The following GLIS3 variants were observed in gnomAD, a reference collection of about 807,000 sequenced individuals.
The protein encoded by GLIS3 is GLIS family zinc finger 3.
GLIS3 carries 53 observed loss-of-function variants against 78.6 expected under a neutral mutation model. The observed-to-expected ratio is 0.67, with a 90% CI of 0.54 to 0.85. The LOEUF is 0.85. Ranked by LOEUF, GLIS3 falls within the 40% of genes least tolerant of loss-of-function variation. The probability of loss-of-function intolerance (pLI) is 0.00; values close to 1 mark genes in which losing one functional copy is unlikely to be tolerated. For missense variants in GLIS3, 1,703 were observed against 1,231.1 expected (o/e 1.38, Z -5.74); for synonymous variants, 684 against 509.9 (o/e 1.34, Z -4.60).
At chr9:4,120,953 T>C (rs560179032) in intron 3 of GLIS3, among the ~76,000 whole-genome samples, 2 of 152,376 alleles carry the variant, frequency 1.3e-5, no homozygotes, top group South Asian at 4.1e-4. Context: ...TCTCAAATTA[T>C]ACTTAAATAT....
At chr9:4,121,651 AC>A (rs1564082422) in intron 3 of GLIS3, among the ~76,000 whole-genome samples, 1 of 151,336 alleles carries the variant, frequency 6.6e-6, no homozygotes, top group African/African-American at 2.5e-5. Flanking sequence ...ACACACACAC[AC>A]ACACACACAC....
In GLIS3 at chr9:3,977,359, G is replaced by A. The variant is rs1307095623; in HGVS notation, c.1711-40170C>T. Among the ~76,000 whole-genome samples the A allele has an allele frequency of 6.6e-6, 1 of 152,184 alleles. No individual in the cohort carries two copies. Among genetic ancestry groups the A allele is most frequent in the Non-Finnish European group, 1.5e-5 (1 of 68,028 alleles). ...TTTGTAGCAGAATAAACTCATATCT[G>A]ATGCTATAATTACAACCCTAATGGA... On this transcript the variant is annotated intron_variant, in intron 4 of 10. Transcript: ENST00000381971. This position sits in a 1 kb window ranked among gnomAD's most constrained non-coding sequence, Gnocchi z 4.1.
At chr9:4,272,503 T>C (rs563180316) in intron 2 of GLIS3, among the ~76,000 whole-genome samples, 1 of 152,306 alleles carries the variant, frequency 6.6e-6, no homozygotes, top group Admixed American at 6.5e-5. Context: ...GCAAGTTTCT[T>C]AATCTTCCCA....
At chr9:4,334,157 G>C (rs1817721779) in intron 2 of GLIS3, among the ~76,000 whole-genome samples, 1 of 152,134 alleles carries the variant, frequency 6.6e-6, no homozygotes, top group Non-Finnish European at 1.5e-5. Flanking sequence ...CCAAATTTAG[G>C]TAATAGGAAT....
At chr9:4,241,543 C>A (rs1295232061) in intron 2 of GLIS3, among the ~76,000 whole-genome samples, 1 of 151,970 alleles carries the variant, frequency 6.6e-6, no homozygotes, top group Non-Finnish European at 1.5e-5. Context: ...TATAAAGATT[C>A]GATCTTTATA....
intron 4 of GLIS3, among the ~76,000 whole-genome samples, chr9:3,954,686 C>T (rs562125660): frequency 6.6e-6 from 1 of 152,156 alleles, no homozygotes; most frequent in East Asian, 1.9e-4. Context: ...CCAATTAGGC[C>T]CTGTTTATTT....
chr9:4,440,369 A>G, the GLIS3 span, among the ~76,000 whole-genome samples: 1 of 152,152 alleles, frequency 6.6e-6, no homozygotes, highest in African/African-American at 2.4e-5. Flanking sequence ...CATTTTTTAT[A>G]TAAGGGTCTA....
chr9:4,270,925 GTGTGTGTGTA>G (rs71324295), intron 2 of GLIS3, among the ~76,000 whole-genome samples: 10,979 of 101,366 alleles, frequency 0.11, 401 homozygotes, highest in Middle Eastern at 0.12. Flanking sequence ...GTGTGTGTGT[GTGTGTGTGTA>G]TACACAACTG....
At chr9:4,280,532 T>C (rs1399680105) in intron 2 of GLIS3, among the ~76,000 whole-genome samples, 1 of 152,116 alleles carries the variant, frequency 6.6e-6, no homozygotes, top group African/African-American at 2.4e-5. Flanking sequence ...AAATGCAGTA[T>C]AATACAACAC....
At chr9:4,429,066 C>T in the GLIS3 span, among the ~76,000 whole-genome samples, 2 of 152,180 alleles carry the variant, frequency 1.3e-5, no homozygotes, top group South Asian at 4.1e-4. Context: ...CAGGTGGTAC[C>T]ATATAAAATT....
chr9:4,359,635 A>G, the GLIS3 span, among the ~76,000 whole-genome samples: 128 of 152,312 alleles, frequency 8.4e-4, no homozygotes, highest in African/African-American at 3.0e-3. Flanking sequence ...CGTGAGATCC[A>G]AGACCTGGAT....
intron 4 of GLIS3, among the ~76,000 whole-genome samples, chr9:4,064,864 A>G (rs1376020179): frequency 6.6e-6 from 1 of 152,200 alleles, no homozygotes; most frequent in Non-Finnish European, 1.5e-5. Context: ...ATAGCAAGAG[A>G]GCATGTTAAC....
At chr9:3,875,155 T>C (rs1821231496) in intron 8 of GLIS3, among the ~76,000 whole-genome samples, 1 of 152,216 alleles carries the variant, frequency 6.6e-6, no homozygotes, top group Admixed American at 6.5e-5. Context: ...GTTCCTCTCA[T>C]GGGAAGCCAC....
At chr9:4,428,432 T>A in the GLIS3 span, among the ~76,000 whole-genome samples, 1 of 147,740 alleles carries the variant, frequency 6.8e-6, no homozygotes, top group Non-Finnish European at 1.5e-5. Flanking sequence ...TGAGCCAACA[T>A]TGTACCACTG....
chr9:4,184,190 G>C (rs952714578), intron 2 of GLIS3, among the ~76,000 whole-genome samples: 1 of 152,142 alleles, frequency 6.6e-6, no homozygotes, highest in Admixed American at 6.6e-5. Context: ...GCCAACTCTT[G>C]ATTATCCTTG....
At chr9:3,906,875 C>CCTAT (rs1243474847) in intron 6 of GLIS3, among the ~76,000 whole-genome samples, 1 of 152,160 alleles carries the variant, frequency 6.6e-6, no homozygotes, top group Non-Finnish European at 1.5e-5. Context: ...CTGAAAAGAG[C>CCTAT]CTATCTCACT....
At chr9:4,360,243 T>C in the GLIS3 span, among the ~76,000 whole-genome samples, 2 of 152,124 alleles carry the variant, frequency 1.3e-5, no homozygotes, top group African/African-American at 2.4e-5. Context: ...ATCAACGCGC[T>C]CTGTGTCTCA....
intron 4 of GLIS3, among the ~76,000 whole-genome samples, chr9:3,984,998 A>T (rs1206860961): frequency 6.6e-6 from 1 of 152,028 alleles, no homozygotes; most frequent in Admixed American, 6.6e-5. Flanking sequence ...GCCATGTGGA[A>T]CTGTAAATCC....
chr9:4,117,913 T>C lies in GLIS3; in HGVS notation c.1565A>G (p.Glu522Gly). Reference sequence around the variant, plus strand: ...TTTGCGCTGGTCGATGTGGACCTTCTCGATGTGCCGCACGAGCTCCTCCTG... The same window carrying C: ...TTTGCGCTGGTCGATGTGGACCTTCCCGATGTGCCGCACGAGCTCCTCCTG... ...DQQEELVRHI[E>G]KVHIDQRKGE... The change falls in exon 4 of 11, where the codon GAG becomes GGG. Residue 522 changes from glutamate (E) to glycine (G), a missense_variant. Physicochemically the swap from Glu to Gly is moderately conservative, Grantham distance 98. Transcript: ENST00000381971. The C allele has an allele frequency of 6.2e-7, 1 of 1,614,088 alleles. No individual in the cohort carries two copies. Among genetic ancestry groups the C allele is most frequent in the East Asian group, 2.2e-5 (1 of 44,856 alleles).
Sources: gnomAD v4.1 joint callset for allele counts (sites outside exome capture counted in the v4.1 genomes callset) on GRCh38, gnomAD v4.1.1 for gene constraint, Gnocchi (gnomAD v3.1) non-coding constraint, MANE v1.5 for transcripts, NCBI Gene and HGNC (gene_info 2026-07-23, HGNC 2026-07-21) for gene names.